Variants in SEC14L3 observed in about 807,000 individuals in gnomAD.
The protein encoded by SEC14L3 is SEC14-like protein 3.
Under a neutral mutation model 57.4 loss-of-function variants are expected in SEC14L3, and 56 were observed. The observed-to-expected ratio is 0.97, with a 90% CI of 0.79 to 1.22. SEC14L3 has a LOEUF of 1.22. SEC14L3 is among the 50% of genes most tolerant of loss of function. The pLI, the probability that SEC14L3 is intolerant of heterozygous loss-of-function variation, is 0.00. For missense variants in SEC14L3, 485 were observed against 511.7 expected (o/e 0.95, Z 0.50); for synonymous variants, 173 against 194.4 (o/e 0.89, Z 0.92).
downstream of SEC14L3, among the ~76,000 whole-genome samples, chr22:30,458,913 G>A (rs570393061): frequency 5.3e-5 from 8 of 152,334 alleles, no homozygotes; most frequent in South Asian, 1.2e-3. Context: ...GCTGAGGTGG[G>A]AGAATGGCTT....
rs1460655706 is a variant in SEC14L3 at position 30,461,620 on chromosome 22, C to T, written c.846G>A (p.Val282=). ...GGTGTGATGAGCCGCGGTTGATCTG[C>T]ACCGAGTGCTCGTACTGAGTCTTCA... The part of the protein sequence containing the change: ...DQVKTQYEHS[V]QINRGSSHQV... The change falls in exon 10 of 12, where the codon GTG becomes GTA. Residue 282 remains valine, a synonymous_variant. Coordinates refer to ENST00000215812, the MANE Select transcript of SEC14L3 (RefSeq NM_174975.5). 1.2e-6 allele frequency: 2 copies of T among 1,614,122 alleles called. No homozygotes were observed. The highest frequency in any genetic ancestry group is 8.5e-7 in the Non-Finnish European group (1 of 1,180,022).
intron 12 of SEC14L3, among the ~76,000 whole-genome samples, chr22:30,452,016 A>G (rs1771903661): frequency 1.4e-5 from 2 of 146,432 alleles, no homozygotes; most frequent in Non-Finnish European, 3.0e-5. Flanking sequence ...AAAAGAAAAA[A>G]GAAAAGAAAA....
chr22:30,455,050 T>C (rs1271631107), downstream of SEC14L3, among the ~76,000 whole-genome samples: 4 of 63,894 alleles, frequency 6.3e-5, no homozygotes, highest in Admixed American at 2.8e-4. Flanking sequence ...ATAATAGATA[T>C]ACAATATATT....
chr22:30,458,177 G>T (rs919397527), downstream of SEC14L3, among the ~76,000 whole-genome samples: 1 of 152,192 alleles, frequency 6.6e-6, no homozygotes. Flanking sequence ...TTGTGTCAGG[G>T]ACTGGGGCTC....
chr22:30,466,428 C>T lies in SEC14L3; in HGVS notation c.520-34G>A, dbSNP rs1178872524. ...CCAAGAGAGATCCCTTCAGAGAGCA[C>T]ATCACATCTTCTCCTACCTCCATCT... On this transcript the variant is annotated intron_variant, in intron 6 of 11. Transcript: ENST00000215812. 9 of 1,613,926 alleles carry T rather than the reference C, an allele frequency of 5.6e-6. No individual in the cohort carries two copies. The South Asian group carries it at 7.7e-5, about 14-fold the overall frequency.
At chr22:30,457,686 CT>C (rs61332192), downstream of SEC14L3, among the ~76,000 whole-genome samples, 102,374 of 146,046 alleles carry the variant, frequency 0.7, 36,404 homozygotes, top group African/African-American at 0.86. Flanking sequence ...CCTGGCCATG[CT>C]TTTTTTTTTT....
At position 30,459,479 on chromosome 22, in the gene SEC14L3, A is replaced by G. The variant is rs910917681; in HGVS notation, c.*542T>C. Reference sequence around the variant, plus strand: ...GTCTGGGTCTCCAGAAGAGAGTCCAACCCCACCACACATCTGCTCCTGTCC... The same window carrying G: ...GTCTGGGTCTCCAGAAGAGAGTCCAGCCCCACCACACATCTGCTCCTGTCC... On this transcript the variant is annotated 3_prime_UTR_variant, in exon 12 of 12. Coordinates refer to ENST00000215812, the MANE Select transcript of SEC14L3 (RefSeq NM_174975.5). The G allele has an allele frequency of 2.0e-6, 2 of 985,230 alleles. No homozygotes were observed. Among genetic ancestry groups the G allele is most frequent in the Admixed American group, 6.2e-5 (1 of 16,260 alleles). 61.0% of individuals were successfully genotyped at this position (985,230 alleles called of 1,614,324 possible).
chr22:30,447,944 GTTT>G (rs397933038), downstream of SEC14L3: 1 of 143,460 alleles, frequency 7.0e-6, no homozygotes, highest in Non-Finnish European at 1.5e-5. Context: ...GGCGGGCAAT[GTTT>G]TTTTTTTTTT....
At position 30,459,740 on chromosome 22, in the gene SEC14L3, A is replaced by C; in HGVS notation, c.*281T>G. ...CTTAGGGTAGGTGAGGACAAAGGCT[A>C]GGGGATTCATTTTGCTATTTATTGA... On this transcript the variant is annotated 3_prime_UTR_variant, in exon 12 of 12. Coordinates refer to ENST00000215812, the MANE Select transcript of SEC14L3 (RefSeq NM_174975.5). The C allele has an allele frequency of 8.9e-7, 1 of 1,119,990 alleles. No individual in the cohort carries two copies. The highest frequency in any genetic ancestry group is 1.1e-6 in the Non-Finnish European group (1 of 910,344). The allele number at this position is 1,119,990 out of a possible 1,614,324, so 69.4% of individuals were successfully genotyped here.
At chr22:30,461,895 G>A (rs1482333899) in intron 9 of SEC14L3, 191 bp downstream of exon 9, 2 of 477,874 alleles carry the variant, frequency 4.2e-6, no homozygotes, top group African/African-American at 4.2e-5. Context: ...ATCCCTCTGG[G>A]TTAAAATTCG....
rs1014329429 is a variant in SEC14L3 at position 30,464,878 on chromosome 22, G to C, written c.606C>G (p.Tyr202Ter). 3.3e-5 allele frequency: 53 copies of C among 1,614,002 alleles called. No individual in the cohort carries two copies. The highest frequency in any genetic ancestry group is 4.3e-5 in the Non-Finnish European group (51 of 1,179,958). ...VKATKLFPVG[Y>*]NLMKPFLSED... ...CACTCAGGAATGGCTTCATGAGGTT[G>C]TAGCCCACAGGGAACAGTTTGGTAG... The change falls in exon 8 of 12, where the codon TAC (tyrosine) becomes TAG (stop). Residue 202 changes from tyrosine (Y) to a stop codon, truncating the protein, a stop_gained. Coordinates refer to ENST00000215812, the MANE Select transcript of SEC14L3 (RefSeq NM_174975.5). LOFTEE classifies it high-confidence loss of function.
intron 11 of SEC14L3, chr22:30,460,344 C>T: frequency 1.1e-6 from 1 of 895,454 alleles, no homozygotes; most frequent in Non-Finnish European, 1.3e-6. Context: ...CTCCTCTTGG[C>T]ATGTGCCCAG....
rs1212078998 is a variant in SEC14L3, at chr22:30,452,008, A to AG, written c.905-2765_905-2764insC. ...CTCCATCTCAAAAAAAAAAAAAAAA[A>AG]AGAAAAAAGAAAAGAAAAGAAAAGA... On this transcript the variant is annotated intron_variant, in intron 12 of 12. Transcript: ENST00000403066. 5.8e-5 allele frequency among the ~76,000 whole-genome samples: 8 copies of AG among 137,390 alleles called. No individual in the cohort carries two copies. In the East Asian group the frequency reaches 6.3e-4, roughly 11 times the overall value. The allele number at this position is 137,390 out of a possible 152,430, so 90.1% of individuals were successfully genotyped here.
chr22:30,471,532 G>T (rs1418050741), intron 1 of SEC14L3, among the ~76,000 whole-genome samples: 2 of 152,186 alleles, frequency 1.3e-5, no homozygotes, highest in African/African-American at 2.4e-5. Flanking sequence ...ATCCCAAAGA[G>T]GAAGGGGTTA....
intron 11 of SEC14L3, among the ~76,000 whole-genome samples, chr22:30,460,701 G>A (rs1935225743): frequency 6.6e-6 from 1 of 151,884 alleles, no homozygotes; most frequent in Non-Finnish European, 1.5e-5. Flanking sequence ...TGGTGCACAT[G>A]CCTGTAATCC....
At chr22:30,452,995 AGT>A (rs2146084833) in intron 12 of SEC14L3, among the ~76,000 whole-genome samples, 1 of 152,020 alleles carries the variant, frequency 6.6e-6, no homozygotes, top group African/African-American at 2.4e-5. Flanking sequence ...TGGGATTACA[AGT>A]GTGAGCCACT....
downstream of SEC14L3, chr22:30,447,922 A>T (rs1453488494): frequency 7.0e-6 from 1 of 143,584 alleles, no homozygotes; most frequent in African/African-American, 2.6e-5. Flanking sequence ...CTATTTAAGG[A>T]GGCTTTGGGG....
At chr22:30,471,111 C>T (rs1026338861) in intron 1 of SEC14L3, 1 of 342,226 alleles carries the variant, frequency 2.9e-6, no homozygotes, top group Non-Finnish European at 5.7e-6. Flanking sequence ...ATGGTGAAAA[C>T]TCATCTCTAC....
intron 4 of SEC14L3, among the ~76,000 whole-genome samples, 199 bp downstream of exon 4, chr22:30,469,820 A>G (rs1935542213): frequency 6.6e-6 from 1 of 152,178 alleles, no homozygotes; most frequent in African/African-American, 2.4e-5. Context: ...ATGATTAAAG[A>G]AGCTCATGCT....
Sources: allele counts gnomAD v4.1 joint callset (sites outside exome capture counted in the v4.1 genomes callset), GRCh38; gene constraint gnomAD v4.1.1; transcripts MANE v1.5; gene names NCBI Gene and HGNC (gene_info 2026-07-23, HGNC 2026-07-21).